Variants in MAN1A1 observed in about 807,000 individuals in gnomAD.
The protein encoded by MAN1A1 is mannosyl-oligosaccharide 1,2-alpha-mannosidase IA.
A neutral mutation model predicts 70.8 loss-of-function variants in MAN1A1; 29 were observed. The observed-to-expected ratio is 0.41, with a 90% CI of 0.31 to 0.56. MAN1A1 has a LOEUF of 0.56. Among genes scored for constraint, MAN1A1 ranks in the 20% least tolerant of loss-of-function variants. The pLI is 0.29. For synonymous variants in MAN1A1, 349 were observed against 330.1 expected (o/e 1.06, Z -0.62); for missense variants, 747 against 841.3 (o/e 0.89, Z 1.39).
intron 6 of MAN1A1, among the ~76,000 whole-genome samples, chr6:119,228,360 A>C (rs1774578244): frequency 6.6e-6 from 1 of 152,202 alleles, no homozygotes. Context: ...AAATATCATG[A>C]CATTGTGGTA....
intron 5 of MAN1A1, among the ~76,000 whole-genome samples, chr6:119,263,005 T>C (rs1214626881): frequency 6.6e-6 from 1 of 152,130 alleles, no homozygotes; most frequent in African/African-American, 2.4e-5. Flanking sequence ...CAGAAAAACG[T>C]GAAAAGGAGA....
chr6:119,321,780 G>C (rs913812669), intron 2 of MAN1A1, among the ~76,000 whole-genome samples: 1 of 151,842 alleles, frequency 6.6e-6, no homozygotes, highest in Non-Finnish European at 1.5e-5. Flanking sequence ...ACCATGCCTC[G>C]CTAATTTTTA....
intron 2 of MAN1A1, among the ~76,000 whole-genome samples, chr6:119,345,737 G>C (rs570455512): frequency 3.9e-5 from 6 of 152,326 alleles, no homozygotes; most frequent in African/African-American, 1.4e-4. Flanking sequence ...TTAGACTTGA[G>C]TGCACTTTCT....
intron 11 of MAN1A1, among the ~76,000 whole-genome samples, chr6:119,182,014 C>T (rs1773165434): frequency 1.3e-5 from 2 of 152,082 alleles, no homozygotes; most frequent in Non-Finnish European, 2.9e-5. Context: ...ACAAAGGTTC[C>T]CTTTATTCTG....
chr6:119,327,399 T>G (rs867292100), intron 2 of MAN1A1: 8 of 147,998 alleles, frequency 5.4e-5, no homozygotes, highest in Non-Finnish European at 1.2e-4. Context: ...TTGTTTTTTT[T>G]TTTTTTTTGA....
chr6:119,189,984 A>G, intron 9 of MAN1A1, 101 bp from the exon 10 acceptor site: 2 of 901,964 alleles, frequency 2.2e-6, no homozygotes, highest in South Asian at 3.5e-5. Flanking sequence ...TACACCTGAC[A>G]ATCAGAGTTT....
chr6:119,229,067 C>T (rs1467403543), intron 6 of MAN1A1, among the ~76,000 whole-genome samples: 3 of 151,954 alleles, frequency 2.0e-5, no homozygotes, highest in Non-Finnish European at 4.4e-5. Flanking sequence ...CTAGTATACA[C>T]GTGTAATAAA....
intron 11 of MAN1A1, among the ~76,000 whole-genome samples, chr6:119,180,870 T>G (rs939812237): frequency 1.3e-5 from 2 of 151,710 alleles, no homozygotes; most frequent in Non-Finnish European, 2.9e-5. Flanking sequence ...TATAGAGTTT[T>G]AGGTAAAAAA....
chr6:119,329,345 G>A (rs557297065), intron 2 of MAN1A1, among the ~76,000 whole-genome samples: 3 of 152,292 alleles, frequency 2.0e-5, no homozygotes, highest in Admixed American at 6.5e-5. Context: ...GTAGCCCAGA[G>A]TAAGAAATGA....
intron 6 of MAN1A1, among the ~76,000 whole-genome samples, chr6:119,232,360 G>A (rs1197000700): frequency 1.4e-4 from 18 of 132,236 alleles, no homozygotes; most frequent in East Asian, 4.9e-4. Context: ...ACGACAGAGC[G>A]AGACTCTGTC....
intron 6 of MAN1A1, among the ~76,000 whole-genome samples, chr6:119,215,947 C>T (rs1398870113): frequency 6.6e-6 from 1 of 152,132 alleles, no homozygotes; most frequent in Non-Finnish European, 1.5e-5. Flanking sequence ...CAGAGATCTT[C>T]AAGGTGAGAC....
chr6:119,189,025 T>C (rs1201118803), intron 10 of MAN1A1, among the ~76,000 whole-genome samples: 1 of 152,204 alleles, frequency 6.6e-6, no homozygotes, highest in African/African-American at 2.4e-5. Context: ...AGTAGTCATT[T>C]TAAAAACGAG....
chr6:119,189,168 T>C (rs527892999), intron 10 of MAN1A1, among the ~76,000 whole-genome samples: 30 of 152,316 alleles, frequency 2.0e-4, no homozygotes, highest in Admixed American at 1.6e-3. Context: ...ACCAGGCAGA[T>C]ACAAGGCACC....
intron 9 of MAN1A1, 66 bp from the exon 10 acceptor site, chr6:119,189,949 C>T: frequency 1.6e-6 from 2 of 1,218,180 alleles, no homozygotes; most frequent in South Asian, 2.7e-5. Context: ...AAAATATGCC[C>T]AACATTAAAA....
Position 119,179,935 on chromosome 6 carries a change from G to C in MAN1A1, c.1846C>G (p.Leu616Val). Residue 616 changes from leucine (L) to valine (V), a missense_variant, in exon 13 of 13, where the codon CTA (leucine) becomes GTA (valine). This residue lies in a region of MAN1A1 where 419 missense variants were observed against 548.2 expected (regional missense o/e 0.76). Coordinates refer to ENST00000368468, the MANE Select transcript of MAN1A1 (RefSeq NM_005907.4). The stretch of plus-strand genomic sequence containing the variant: ...AGAAGATCGTCGTCAGAAAATATTA[G>C]GTACAAATATCTGGTGAGAGAAACA... ...FLAETLKYLY[L>V]IFSDDDLLPL... is the part of the protein sequence containing the mutation. 1 of 1,613,444 alleles carries C rather than the reference G, an allele frequency of 6.2e-7. No individual in the cohort carries two copies. Among genetic ancestry groups the C allele is most frequent in the South Asian group, 1.1e-5 (1 of 91,038 alleles).
chr6:119,221,045 C>A lies in MAN1A1; in HGVS notation c.993-16163G>T, dbSNP rs555443984. Among the ~76,000 whole-genome samples the A allele has an allele frequency of 3.3e-5, 5 of 151,144 alleles. No homozygotes were observed. In the South Asian group the frequency reaches 8.3e-4, roughly 25 times the overall value. On this transcript the variant is annotated intron_variant, in intron 6 of 12. Coordinates refer to ENST00000368468, the MANE Select transcript of MAN1A1 (RefSeq NM_005907.4). ...GAAAAAGAAGTCCAATTTTTTAATA[C>A]CCCCGAAGCAAATTCTAAATGTATT...
intron 8 of MAN1A1, among the ~76,000 whole-genome samples, chr6:119,199,815 G>A (rs1303000689): frequency 6.6e-6 from 1 of 152,038 alleles, no homozygotes; most frequent in East Asian, 1.9e-4. Flanking sequence ...GGGGCGGGGG[G>A]CCGAGGTGGG....
intron 5 of MAN1A1, among the ~76,000 whole-genome samples, chr6:119,281,981 G>T (rs1001114447): frequency 4.6e-5 from 7 of 152,138 alleles, no homozygotes; most frequent in Non-Finnish European, 8.8e-5. Context: ...AGAATTGCCT[G>T]AACCTGAGAG....
intron 5 of MAN1A1, among the ~76,000 whole-genome samples, chr6:119,283,157 G>C (rs1283296654): frequency 3.9e-5 from 6 of 152,206 alleles, no homozygotes; most frequent in African/African-American, 1.4e-4. Context: ...TGTGGTTAGA[G>C]ATCATGCATA....
Sources: gnomAD v4.1 joint callset for allele counts (sites outside exome capture counted in the v4.1 genomes callset) on GRCh38, gnomAD v4.1.1 for gene constraint, gnomAD v4.1.1 regional missense constraint, MANE v1.5 for transcripts, NCBI Gene and HGNC (gene_info 2026-07-23, HGNC 2026-07-21) for gene names.